ADGRG7: variants seen among roughly 807,000 people sequenced by gnomAD.
ADGRG7 encodes adhesion G protein-coupled receptor G7, also known as G-protein coupled receptor 128.
In ADGRG7, 82 loss-of-function variants were observed where a neutral mutation model predicts 88.6. That is an observed-to-expected ratio of 0.93 (90% confidence interval 0.77 to 1.11). The LOEUF (loss-of-function observed/expected upper bound fraction) is 1.11, where lower values mean the gene tolerates loss of function less well. ADGRG7 is among the 50% of genes most tolerant of loss of function. The pLI, the probability that ADGRG7 is intolerant of heterozygous loss-of-function variation, is 0.00. For synonymous variants in ADGRG7, 381 were observed against 345.2 expected (o/e 1.10, Z -1.15); for missense variants, 945 against 953.4 (o/e 0.99, Z 0.12).
At position 100,655,302 on chromosome 3, in the gene ADGRG7, T is replaced by C. The variant is rs947956445; in HGVS notation, c.1726+121T>C. 18 of 678,690 alleles carry C rather than the reference T, an allele frequency of 2.7e-5. No homozygotes were observed. In the Middle Eastern group the frequency reaches 1.1e-3, roughly 40 times the overall value. The allele number at this position is 678,690 out of a possible 1,614,324, so 42.0% of individuals were successfully genotyped here. A position where few individuals can be genotyped will look rare whatever the true frequency, so the allele number is the denominator to read the frequency against. On this transcript the variant is annotated intron_variant, in intron 12 of 15. Transcript: ENST00000273352. ...CGTAATTAAGAGGAGATAGAAAATA[T>C]AGTGATTGCTAAGAATACGTTCCGT...
chr3:100,667,813 G>A (rs1273408632), intron 14 of ADGRG7, among the ~76,000 whole-genome samples: 1 of 151,892 alleles, frequency 6.6e-6, no homozygotes, highest in Non-Finnish European at 1.5e-5. Context: ...AGTGTTTCAG[G>A]TGCTACCAGG....
At position 100,635,777 on chromosome 3, in the gene ADGRG7, C is replaced by T. The variant is rs190503505; in HGVS notation, c.548C>T (p.Thr183Met). 175 of 1,613,824 alleles carry T rather than the reference C, an allele frequency of 1.1e-4. 2 individuals carry two copies. Among genetic ancestry groups the T allele is most frequent in the Middle Eastern group, 9.9e-4 (6 of 6,062 alleles). ...KLTAENITSA[T>M]RVVGQIFNTS... ...ACTGCTGAGAACATCACTAGTGCTA[C>T]GCGAGTGGTTGGACAGATATTCAAC... is the stretch of plus-strand genomic sequence containing the variant. The change falls in exon 5 of 16, where the codon ACG becomes ATG. Residue 183 changes from threonine (T) to methionine (M), a missense_variant. Thr to Met is a moderately conservative substitution (Grantham distance 81). Coordinates refer to ENST00000273352, the MANE Select transcript of ADGRG7 (RefSeq NM_032787.3).
chr3:100,646,140 G>A (rs1340853826), intron 9 of ADGRG7, 32 bp downstream of exon 9: 1 of 1,487,018 alleles, frequency 6.7e-7, no homozygotes. Flanking sequence ...CAAGAAAAAA[G>A]TGTCCTCATG....
chr3:100,681,334 A>G (rs2094973133), intron 15 of ADGRG7, among the ~76,000 whole-genome samples: 1 of 148,668 alleles, frequency 6.7e-6, no homozygotes, highest in Non-Finnish European at 1.5e-5. Flanking sequence ...TTTTTGAGAC[A>G]GGGTCTCACT....
chr3:100,646,145 C>T lies in ADGRG7; in HGVS notation c.1110+37C>T, dbSNP rs755206566. On this transcript the variant is annotated intron_variant, in intron 9 of 15. Transcript: ENST00000273352. Reference sequence around the variant, plus strand: ...ATTGCAGATGCAAGAAAAAAGTGTCCTCATGCTTTCTTTCTGATGGTGGCA... The same window carrying T: ...ATTGCAGATGCAAGAAAAAAGTGTCTTCATGCTTTCTTTCTGATGGTGGCA... 9 of 1,489,468 alleles carry T rather than the reference C, an allele frequency of 6.0e-6. No individual in the cohort carries two copies. The South Asian group carries it at 9.1e-5, about 15-fold the overall frequency. The allele number at this position is 1,489,468 out of a possible 1,614,324, so 92.3% of individuals were successfully genotyped here.
At chr3:100,611,490 A>C (rs1349094939) in intron 1 of ADGRG7, among the ~76,000 whole-genome samples, 2 of 152,214 alleles carry the variant, frequency 1.3e-5, no homozygotes, top group Non-Finnish European at 2.9e-5. Flanking sequence ...TGGGGGACAG[A>C]AAACCTGAAA....
At chr3:100,616,260 G>C (rs548447702) in intron 1 of ADGRG7, among the ~76,000 whole-genome samples, 1 of 151,998 alleles carries the variant, frequency 6.6e-6, no homozygotes, top group Non-Finnish European at 1.5e-5. Flanking sequence ...AATTACATGC[G>C]AACCATGATG....
At chr3:100,634,568 G>T (rs1707505406) in intron 4 of ADGRG7, among the ~76,000 whole-genome samples, 1 of 152,108 alleles carries the variant, frequency 6.6e-6, no homozygotes, top group Non-Finnish European at 1.5e-5. Context: ...AGTTCACATT[G>T]TACTACCCTG....
intron 13 of ADGRG7, 57 bp downstream of exon 13, chr3:100,656,052 G>A: frequency 9.7e-7 from 1 of 1,028,474 alleles, no homozygotes; most frequent in African/African-American, 1.6e-5. Flanking sequence ...TAACTGTTCA[G>A]TGATATTGAC....
intron 15 of ADGRG7, among the ~76,000 whole-genome samples, chr3:100,694,260 T>G (rs1046375997): frequency 1.3e-5 from 2 of 152,342 alleles, no homozygotes; most frequent in African/African-American, 4.8e-5. Context: ...CAATTTCTCA[T>G]GTACATCTGG....
chr3:100,646,699 ATAC>A lies in ADGRG7; in HGVS notation c.1247_1249del (p.Thr416del), dbSNP rs766676538. ...GGATTCCTGCGCTGCCGCTGCAACCATACTACTAATTTTGCTGTATTAATGGTA... is the reference window on the plus strand; with the variant it reads ...GGATTCCTGCGCTGCCGCTGCAACCATACTAATTTTGCTGTATTAATGGTA... On this transcript the variant is annotated inframe_deletion, in exon 10 of 16. Transcript: ENST00000273352. 6.2e-7 allele frequency: 1 copy of A among 1,614,062 alleles called. No homozygotes were observed. The highest frequency in any genetic ancestry group is 8.5e-7 in the Non-Finnish European group (1 of 1,180,016).
chr3:100,643,480 C>T, intron 7 of ADGRG7, 46 bp from the exon 8 acceptor site: 16 of 1,606,240 alleles, frequency 1.0e-5, no homozygotes, highest in Non-Finnish European at 1.3e-5. Context: ...ATGCTCTACT[C>T]ATGATAATGT....
At chr3:100,659,887 C>T in intron 14 of ADGRG7, 44 bp downstream of exon 14, 1 of 1,580,686 alleles carries the variant, frequency 6.3e-7, no homozygotes, top group Non-Finnish European at 8.7e-7. Flanking sequence ...AAGGCTCATC[C>T]AGCACTTAAC....
At chr3:100,648,347 A>T (rs2149027002) in intron 10 of ADGRG7, among the ~76,000 whole-genome samples, 1 of 152,040 alleles carries the variant, frequency 6.6e-6, no homozygotes, top group East Asian at 1.9e-4. Context: ...AGTGAAAAAT[A>T]TTATTTTTAA....
intron 14 of ADGRG7, among the ~76,000 whole-genome samples, chr3:100,663,001 T>A (rs1457885160): frequency 6.6e-6 from 1 of 151,986 alleles, no homozygotes; most frequent in African/African-American, 2.4e-5. Flanking sequence ...ATAGAACAGA[T>A]AAAATAAAAA....
chr3:100,655,077 T>A lies in ADGRG7; in HGVS notation c.1622T>A (p.Phe541Tyr). Residue 541 changes from phenylalanine (F) to tyrosine (Y), a missense_variant, in exon 12 of 16, where the codon TTT becomes TAT. Transcript: ENST00000273352. ...CTGCACTATTTTCTGTTAGTGACAT[T>A]TACCTGGAACGCACTCAGCGCTGCA... Reference protein sequence around the residue: ...ALLHYFLLVTFTWNALSAAQL... With the variant: ...ALLHYFLLVTYTWNALSAAQL... 1 of 1,614,184 alleles carries A rather than the reference T, an allele frequency of 6.2e-7. No individual in the cohort carries two copies. The highest frequency in any genetic ancestry group is 1.3e-5 in the African/African-American group (1 of 75,046).
chr3:100,694,015 C>T (rs2094998158), intron 15 of ADGRG7, among the ~76,000 whole-genome samples: 2 of 152,194 alleles, frequency 1.3e-5, no homozygotes, highest in South Asian at 4.1e-4. Context: ...CCAGACTCCA[C>T]TGAGTACTGG....
chr3:100,650,181 A>G (rs960770339), intron 11 of ADGRG7, among the ~76,000 whole-genome samples: 2 of 152,232 alleles, frequency 1.3e-5, no homozygotes, highest in Admixed American at 1.3e-4. Flanking sequence ...AATTTAAAAA[A>G]TATATCAAGC....
At chr3:100,653,683 T>C (rs2094932875) in intron 11 of ADGRG7, among the ~76,000 whole-genome samples, 2 of 152,108 alleles carry the variant, frequency 1.3e-5, no homozygotes, top group African/African-American at 2.4e-5. Flanking sequence ...CTTGCTGGAG[T>C]CTTGCAGTCA....
Sources: gnomAD v4.1 joint callset for allele counts (sites outside exome capture counted in the v4.1 genomes callset) on GRCh38, gnomAD v4.1.1 for gene constraint, MANE v1.5 for transcripts, NCBI Gene and HGNC (gene_info 2026-07-23, HGNC 2026-07-21) for gene names.